Variants in TMEM236 observed in about 807,000 individuals in gnomAD.
TMEM236 encodes transmembrane protein 236, also known as family with sequence similarity 23, member A.
TMEM236 carries 11 observed loss-of-function variants against 14.7 expected under a neutral mutation model. That is an observed-to-expected ratio of 0.75 (90% CI 0.47 to 1.24). The LOEUF (loss-of-function observed/expected upper bound fraction) is 1.24. TMEM236 is among the 50% of genes most tolerant of loss of function. TMEM236 has a pLI of 0.00. For missense variants in TMEM236, 464 were observed against 427.3 expected (o/e 1.09, Z -0.76); for synonymous variants, 182 against 168.6 (o/e 1.08, Z -0.62).
chr10:17,768,489 A>C (rs1282316096), intron 1 of TMEM236, among the ~76,000 whole-genome samples: 2 of 152,242 alleles, frequency 1.3e-5, no homozygotes, highest in Middle Eastern at 3.4e-3. Flanking sequence ...TATTTTACTC[A>C]TTTAAAAATG....
chr10:17,755,940 C>T (rs984620491), intron 1 of TMEM236, among the ~76,000 whole-genome samples: 5 of 152,210 alleles, frequency 3.3e-5, no homozygotes, highest in South Asian at 4.1e-4. Context: ...GATTATGTGC[C>T]ATGTAAGTAC....
intron 3 of TMEM236, among the ~76,000 whole-genome samples, chr10:17,778,104 AAAT>A (rs1228090571): frequency 3.9e-5 from 6 of 152,162 alleles, no homozygotes; most frequent in Non-Finnish European, 7.3e-5. Context: ...CTGAGAATTG[AAAT>A]AAGACATCTA....
chr10:17,752,990 A>G (rs919744361), intron 1 of TMEM236, among the ~76,000 whole-genome samples: 23 of 152,144 alleles, frequency 1.5e-4, no homozygotes, highest in Non-Finnish European at 2.6e-4. Flanking sequence ...GGTTTGTTAC[A>G]TAAGTTAACT....
chr10:17,787,579 G>C (rs889640405), intron 3 of TMEM236, among the ~76,000 whole-genome samples: 1 of 152,274 alleles, frequency 6.6e-6, no homozygotes, highest in African/African-American at 2.4e-5. Context: ...AATGCTCATT[G>C]CTCCCTCATG....
At chr10:17,760,305 T>C (rs1470425266) in intron 1 of TMEM236, among the ~76,000 whole-genome samples, 1 of 152,108 alleles carries the variant, frequency 6.6e-6, no homozygotes, top group Non-Finnish European at 1.5e-5. Flanking sequence ...CTAAAAATCA[T>C]ATATTTTTGT....
intron 2 of TMEM236, among the ~76,000 whole-genome samples, chr10:17,773,319 T>C (rs1178225184): frequency 2.0e-5 from 3 of 152,166 alleles, no homozygotes; most frequent in Admixed American, 2.0e-4. Context: ...GAAGGAGCAT[T>C]CACCAGCGCT....
intron 1 of TMEM236, among the ~76,000 whole-genome samples, chr10:17,757,247 T>C (rs1257872181): frequency 6.6e-6 from 1 of 152,218 alleles, no homozygotes; most frequent in Non-Finnish European, 1.5e-5. Flanking sequence ...GCTAAAGTTC[T>C]CATTTTATAG....
chr10:17,774,740 G>C (rs1409386539), intron 2 of TMEM236, among the ~76,000 whole-genome samples: 2 of 151,940 alleles, frequency 1.3e-5, no homozygotes, highest in Non-Finnish European at 2.9e-5. Context: ...AGTGGTTGAA[G>C]TTGCATTGAA....
At chr10:17,793,089 C>G (rs1287349011) in intron 3 of TMEM236, among the ~76,000 whole-genome samples, 1 of 152,130 alleles carries the variant, frequency 6.6e-6, no homozygotes, top group Non-Finnish European at 1.5e-5. Context: ...AAGCAGAGTC[C>G]CTGTACCCCC....
At chr10:17,783,639 G>A (rs934575912) in intron 3 of TMEM236, among the ~76,000 whole-genome samples, 10 of 152,122 alleles carry the variant, frequency 6.6e-5, no homozygotes, top group African/African-American at 1.7e-4. Context: ...CTCACAGTCC[G>A]TGCAAGCTTT....
chr10:17,768,403 A>T (rs1837510572), intron 1 of TMEM236, among the ~76,000 whole-genome samples: 1 of 152,110 alleles, frequency 6.6e-6, no homozygotes, highest in East Asian at 1.9e-4. Context: ...AATTTTTTTA[A>T]AAAAGACTTT....
chr10:17,768,368 T>C (rs1371563712), intron 1 of TMEM236, among the ~76,000 whole-genome samples: 1 of 152,170 alleles, frequency 6.6e-6, no homozygotes, highest in Admixed American at 6.5e-5. Flanking sequence ...CATAATTCTT[T>C]AAAAAAGAAC....
intron 3 of TMEM236, among the ~76,000 whole-genome samples, chr10:17,784,558 C>A (rs1837803747): frequency 6.6e-6 from 1 of 152,118 alleles, no homozygotes. Context: ...ACATTAAAAT[C>A]AACTATGGAA....
chr10:17,768,402 A>T (rs1302903370), intron 1 of TMEM236, among the ~76,000 whole-genome samples: 2 of 152,084 alleles, frequency 1.3e-5, no homozygotes, highest in Admixed American at 6.5e-5. Flanking sequence ...CAATTTTTTT[A>T]AAAAAGACTT....
rs1837652983 is a variant in TMEM236 at position 17,776,012 on chromosome 10, T to C, written c.331-17T>C. 1.4e-5 allele frequency: 22 copies of C among 1,613,802 alleles called. No individual in the cohort carries two copies. Among genetic ancestry groups the C allele is most frequent in the Non-Finnish European group, 1.6e-5 (19 of 1,179,772 alleles). ...AGCACAATAATTTAATGCTTGTAAA[T>C]GGTTTTCTCTAAACAGGTTCAAAAG... On this transcript the variant is annotated splice_polypyrimidine_tract_variant and intron_variant, in intron 2 of 3. Transcript: ENST00000377495.
At chr10:17,762,252 C>A (rs981826387) in intron 1 of TMEM236, among the ~76,000 whole-genome samples, 1 of 152,040 alleles carries the variant, frequency 6.6e-6, no homozygotes, top group Non-Finnish European at 1.5e-5. Context: ...TTTCTCTTCT[C>A]CAATGGGCAG....
chr10:17,782,946 G>A (rs1837777598), intron 3 of TMEM236, among the ~76,000 whole-genome samples: 1 of 152,154 alleles, frequency 6.6e-6, no homozygotes, highest in African/African-American at 2.4e-5. Context: ...CAAGGATATG[G>A]TTAGAATGCC....
intron 3 of TMEM236, among the ~76,000 whole-genome samples, chr10:17,790,944 G>C (rs1490135229): frequency 1.3e-5 from 2 of 152,132 alleles, no homozygotes; most frequent in East Asian, 3.9e-4. Context: ...CCTCTAAGTT[G>C]CTACTTTTGC....
chr10:17,753,453 G>A (rs1837238606), intron 1 of TMEM236, among the ~76,000 whole-genome samples: 2 of 152,090 alleles, frequency 1.3e-5, no homozygotes, highest in African/African-American at 4.8e-5. Context: ...GTGTGTGCAT[G>A]TGTTCTCATC....
Sources: gnomAD v4.1 joint callset for allele counts (sites outside exome capture counted in the v4.1 genomes callset) on GRCh38, gnomAD v4.1.1 for gene constraint, MANE v1.5 for transcripts, NCBI Gene and HGNC (gene_info 2026-07-23, HGNC 2026-07-21) for gene names.